Variants in PRKCG observed in about 807,000 individuals in gnomAD.
PRKCG encodes protein kinase C gamma.
A neutral mutation model predicts 82.0 loss-of-function variants in PRKCG; 28 were observed. The ratio of observed to expected loss-of-function variants is 0.34; its 90% CI spans 0.25 to 0.47. The LOEUF (loss-of-function observed/expected upper bound fraction) is 0.47. Ranked by LOEUF, PRKCG falls within the 20% of genes least tolerant of loss-of-function variation. The probability of loss-of-function intolerance (pLI) is 1.00; values close to 1 mark genes in which losing one functional copy is unlikely to be tolerated. For synonymous variants in PRKCG, 383 were observed against 376.6 expected (o/e 1.02, Z -0.20); for missense variants, 640 against 952.7 (o/e 0.67, Z 4.32).
intron 9 of PRKCG, among the ~76,000 whole-genome samples, chr19:53,893,867 C>A (rs977841272): frequency 6.6e-6 from 1 of 151,962 alleles, no homozygotes; most frequent in African/African-American, 2.4e-5. Context: ...AATTCTCTTG[C>A]CTCAGCCTCC....
intron 14 of PRKCG, among the ~76,000 whole-genome samples, chr19:53,901,497 T>C (rs1272712058): frequency 1.5e-5 from 2 of 132,906 alleles, no homozygotes; most frequent in African/African-American, 3.0e-5. Flanking sequence ...TGAGCTGAGA[T>C]CACACCACTG....
At chr19:53,893,157 G>A in intron 8 of PRKCG, 82 bp downstream of exon 8, 2 of 1,391,998 alleles carry the variant, frequency 1.4e-6, no homozygotes, top group Non-Finnish European at 2.0e-6. Flanking sequence ...ACCCCTGAGT[G>A]CCCGCTGGTC....
rs2068655316 is a variant in PRKCG, at chr19:53,889,516, T to G, written c.286-122T>G. 5 of 731,512 alleles carry G rather than the reference T, an allele frequency of 6.8e-6. No homozygotes were observed. In the Admixed American group the frequency reaches 1.1e-4, roughly 16 times the overall value. 45.3% of individuals were successfully genotyped at this position (731,512 alleles called of 1,614,324 possible). Reference sequence around the variant, plus strand: ...GCTCAATGATTATTGGTACATAGAGTGAAAGAGATGGAGCCTCAGGCTGAC... The same window carrying G: ...GCTCAATGATTATTGGTACATAGAGGGAAAGAGATGGAGCCTCAGGCTGAC... On this transcript the variant is annotated intron_variant, in intron 3 of 17. Coordinates refer to ENST00000263431, the MANE Select transcript of PRKCG (RefSeq NM_002739.5). The surrounding 1 kb of genome is among the most constrained non-coding windows in gnomAD (Gnocchi z 4.4).
rs993490046 is a variant in PRKCG at position 53,882,757 on chromosome 19, C to A, written c.170+93C>A. The A allele has an allele frequency of 2.0e-6, 3 of 1,500,776 alleles. No homozygotes were observed. The highest frequency in any genetic ancestry group is 2.7e-6 in the Non-Finnish European group (3 of 1,116,320). The allele number at this position is 1,500,776 out of a possible 1,614,324, so 93.0% of individuals were successfully genotyped here. On this transcript the variant is annotated intron_variant, in intron 1 of 17. Coordinates refer to ENST00000263431, the MANE Select transcript of PRKCG (RefSeq NM_002739.5). This position sits in a 1 kb window ranked among gnomAD's most constrained non-coding sequence, Gnocchi z 6.1. ...CCCTGTGGAAGGAAGAAGGAGGGGG[C>A]TGTAGTCCCGACTCCCAGGTTCTAG...
chr19:53,894,759 C>A (rs1378260895), intron 9 of PRKCG, among the ~76,000 whole-genome samples: 1 of 152,202 alleles, frequency 6.6e-6, no homozygotes, highest in Non-Finnish European at 1.5e-5. Flanking sequence ...CACGCCCAGA[C>A]GAATACCCAT....
Position 53,898,213 on chromosome 19 carries a change from G to A in PRKCG, c.1092+102G>A, listed in dbSNP as rs539325952. ...GGGGGTGGGAAGAGACTGGGCTCCTGCATCTTCAAATATGGTTAGGTTGGG... is the reference window on the plus strand; with the variant it reads ...GGGGGTGGGAAGAGACTGGGCTCCTACATCTTCAAATATGGTTAGGTTGGG... On this transcript the variant is annotated intron_variant, in intron 10 of 17. Coordinates refer to ENST00000263431, the MANE Select transcript of PRKCG (RefSeq NM_002739.5). 4 of 1,504,156 alleles carry A rather than the reference G, an allele frequency of 2.7e-6. No individual in the cohort carries two copies. In the African/African-American group the frequency reaches 4.2e-5, roughly 16 times the overall value. The allele number at this position is 1,504,156 out of a possible 1,614,324, so 93.2% of individuals were successfully genotyped here. A position where few individuals can be genotyped will look rare whatever the true frequency, so the allele number is the denominator to read the frequency against.
At chr19:53,906,641 T>C in intron 17 of PRKCG, 66 bp from the exon 18 acceptor site, 2 of 1,575,456 alleles carry the variant, frequency 1.3e-6, no homozygotes, top group Non-Finnish European at 1.7e-6. Context: ...GAGACTGGGG[T>C]ACACAGAGGG....
intron 3 of PRKCG, among the ~76,000 whole-genome samples, chr19:53,887,498 A>G (rs1193198721): frequency 1.5e-3 from 9 of 6,124 alleles, no homozygotes; most frequent in South Asian, 0.012. Flanking sequence ...ACTCTGTCTC[A>G]AAAAAAAAAA....
rs1023328542 is a variant in PRKCG at position 53,892,907 on chromosome 19, T to C, written c.822-81T>C. The C allele has an allele frequency of 8.9e-6, 12 of 1,347,008 alleles. No individual in the cohort carries two copies. In the Middle Eastern group the frequency reaches 7.1e-4, roughly 80 times the overall value. The allele number at this position is 1,347,008 out of a possible 1,614,324, so 83.4% of individuals were successfully genotyped here. Reference sequence around the variant, plus strand: ...CTCTGTGTCCGTCTCTCTGTGTCTCTTTCCTCCCTTCCAATGTCTTTGCCT... The same window carrying C: ...CTCTGTGTCCGTCTCTCTGTGTCTCCTTCCTCCCTTCCAATGTCTTTGCCT... On this transcript the variant is annotated intron_variant, in intron 7 of 17. Coordinates refer to ENST00000263431, the MANE Select transcript of PRKCG (RefSeq NM_002739.5). The surrounding 1 kb of genome is among the most constrained non-coding windows in gnomAD (Gnocchi z 5.9).
rs143513754 is a variant in PRKCG at position 53,904,725 on chromosome 19, G to A, written c.1747G>A (p.Val583Met). 231 of 1,613,692 alleles carry A rather than the reference G, an allele frequency of 1.4e-4. No individual in the cohort carries two copies. Among genetic ancestry groups the A allele is most frequent in the Non-Finnish European group, 1.8e-4 (211 of 1,179,844 alleles). ...CCCCAAGTCGCTTTCCCGGGAAGCC[G>A]TGGCCATCTGCAAGGGGGTGAGAGC... is the stretch of plus-strand genomic sequence containing the variant. ...TYPKSLSREA[V>M]AICKGFLTKH... The change falls in exon 16 of 18, where the codon GTG becomes ATG. Residue 583 changes from valine (V) to methionine (M), a missense_variant. Physicochemically the swap from Val to Met is conservative, Grantham distance 21 (BLOSUM62 1). Transcript: ENST00000263431.
intron 17 of PRKCG, 44 bp from the exon 18 acceptor site, chr19:53,906,663 G>A (rs750339413): frequency 5.6e-6 from 9 of 1,594,688 alleles, no homozygotes; most frequent in Non-Finnish European, 7.7e-6. Flanking sequence ...CACCCGAGGA[G>A]CCCTCGGAGC....
intron 3 of PRKCG, among the ~76,000 whole-genome samples, chr19:53,885,221 A>G (rs1049165244): frequency 6.7e-6 from 1 of 149,928 alleles, no homozygotes; most frequent in Non-Finnish European, 1.5e-5. Context: ...ATTGGCTTAA[A>G]TTTTTTTTTT....
rs1017522219 is a variant in PRKCG, at chr19:53,898,744, G to A, written c.1281+116G>A. Reference sequence around the variant, plus strand: ...AAGAGAACTTTGTGCTCTCTGAGTGGGCGAGGCCAGGCGGATTGTCTCCTC... The same window carrying A: ...AAGAGAACTTTGTGCTCTCTGAGTGAGCGAGGCCAGGCGGATTGTCTCCTC... On this transcript the variant is annotated intron_variant, in intron 11 of 17. Coordinates refer to ENST00000263431, the MANE Select transcript of PRKCG (RefSeq NM_002739.5). 7 of 848,162 alleles carry A rather than the reference G, an allele frequency of 8.3e-6. No individual in the cohort carries two copies. The African/African-American group carries it at 1.2e-4, about 15-fold the overall frequency. The allele number at this position is 848,162 out of a possible 1,614,324, so 52.5% of individuals were successfully genotyped here. A position where few individuals can be genotyped will look rare whatever the true frequency, so the allele number is the denominator to read the frequency against.
In PRKCG at chr19:53,890,004, G is replaced by A. The variant is rs1342327223; in HGVS notation, c.516G>A (p.Glu172=). Residue 172 remains glutamate (E), a synonymous_variant, in exon 5 of 18, where the codon GAG becomes GAA. Transcript: ENST00000263431. ...AGATCCGGGCTCCCACAGCAGATGA[G>A]ATCCACGTAACTGGTGAGGCCCCGC... The part of the protein sequence containing the change: ...QLEIRAPTAD[E]IHVTVGEARN... 6.4e-7 allele frequency: 1 copy of A among 1,565,708 alleles called. No homozygotes were observed. The highest frequency in any genetic ancestry group is 8.6e-7 in the Non-Finnish European group (1 of 1,157,750).
intron 15 of PRKCG, among the ~76,000 whole-genome samples, chr19:53,903,356 T>A (rs543693668): frequency 6.6e-6 from 1 of 152,330 alleles, no homozygotes; most frequent in Admixed American, 6.5e-5. Context: ...TCTTTCTCCC[T>A]AGATGGTAAA....
intron 3 of PRKCG, among the ~76,000 whole-genome samples, chr19:53,886,306 A>G (rs1174307816): frequency 6.6e-6 from 1 of 151,806 alleles, no homozygotes; most frequent in Non-Finnish European, 1.5e-5. Flanking sequence ...GGGTTTCATC[A>G]TGCTGGCCAA....
rs2068754755 is a variant in PRKCG, at chr19:53,900,431, A to T, written c.1386A>T (p.Ala462=). 2 of 1,614,178 alleles carry T rather than the reference A, an allele frequency of 1.2e-6. No individual in the cohort carries two copies. The highest frequency in any genetic ancestry group is 1.7e-6 in the Non-Finnish European group (2 of 1,180,038). Residue 462 remains alanine, a synonymous_variant, in exon 13 of 18, where the codon GCA becomes GCT. Transcript: ENST00000263431. The surrounding 1 kb of genome is among the most constrained non-coding windows in gnomAD (Gnocchi z 4.2). ...CCCCGTCCTCCAGGTTCTACGCGGC[A>T]GAAATCGCTATCGGCCTCTTCTTCC... ...FKEPHAAFYA[A]EIAIGLFFLH...
In PRKCG at chr19:53,884,352, G is replaced by A. The variant is rs1448672947; in HGVS notation, c.285+109G>A. ...ATTTTTATGGCTGGGAGGGGAGGGG[G>A]GCTGGAGAGATAGGGGGAGCTATCT... is the stretch of plus-strand genomic sequence containing the variant. On this transcript the variant is annotated intron_variant, in intron 3 of 17. Transcript: ENST00000263431. The surrounding 1 kb of genome is among the most constrained non-coding windows in gnomAD (Gnocchi z 4.6). The A allele has an allele frequency of 7.3e-6, 8 of 1,094,216 alleles. No individual in the cohort carries two copies. Among genetic ancestry groups the A allele is most frequent in the Non-Finnish European group, 1.1e-5 (8 of 722,008 alleles). The allele number at this position is 1,094,216 out of a possible 1,614,324, so 67.8% of individuals were successfully genotyped here.
At chr19:53,885,862 GCCAC>G (rs1301974381) in intron 3 of PRKCG, among the ~76,000 whole-genome samples, 1 of 151,598 alleles carries the variant, frequency 6.6e-6, no homozygotes, top group African/African-American at 2.4e-5. Context: ...ACTCACCTCC[GCCAC>G]CAACACCAGA....
Sources: gnomAD v4.1 joint callset for allele counts (sites outside exome capture counted in the v4.1 genomes callset) on GRCh38, gnomAD v4.1.1 for gene constraint, Gnocchi (gnomAD v3.1) non-coding constraint, MANE v1.5 for transcripts, NCBI Gene and HGNC (gene_info 2026-07-23, HGNC 2026-07-21) for gene names.